The following MITF variants were observed in gnomAD, a reference collection of about 807,000 sequenced individuals.
MITF encodes the protein melanocyte inducing transcription factor, also known as microphthalmia-associated transcription factor.
In MITF, 17 loss-of-function variants were observed where a neutral mutation model predicts 60.5. That is an observed-to-expected ratio of 0.28 (90% CI 0.19 to 0.42). The LOEUF is 0.42. MITF is among the 10% of genes least tolerant of loss of function. MITF has a pLI of 1.00. For missense variants in MITF, 622 were observed against 683.5 expected (o/e 0.91, Z 1.00); for synonymous variants, 260 against 248.5 (o/e 1.05, Z -0.43).
chr3:69,794,538 C>G (rs2062796876), intron 1 of MITF, among the ~76,000 whole-genome samples: 1 of 152,134 alleles, frequency 6.6e-6, no homozygotes, highest in Non-Finnish European at 1.5e-5. Flanking sequence ...AGAACCAATT[C>G]TCATGTCCTT....
intron 1 of MITF, among the ~76,000 whole-genome samples, chr3:69,843,652 A>G (rs975538260): frequency 6.6e-6 from 1 of 152,048 alleles, no homozygotes; most frequent in African/African-American, 2.4e-5. Context: ...TTGGGTTTTT[A>G]TTTTATGTAT....
chr3:69,939,009 T>G, intron 3 of MITF, 89 bp from the exon 4 acceptor site: 1 of 1,562,666 alleles, frequency 6.4e-7, no homozygotes, highest in Non-Finnish European at 8.7e-7. Context: ...GTTCATCTTG[T>G]TGCTGTGCCA....
chr3:69,791,008 A>G (rs891467575), intron 1 of MITF, among the ~76,000 whole-genome samples: 1 of 152,210 alleles, frequency 6.6e-6, no homozygotes, highest in African/African-American at 2.4e-5. Flanking sequence ...TTTTAGAGAC[A>G]CTAATTTCTA....
At chr3:69,747,954 A>C (rs1315121720) in intron 1 of MITF, among the ~76,000 whole-genome samples, 1 of 152,224 alleles carries the variant, frequency 6.6e-6, no homozygotes, top group East Asian at 1.9e-4. Context: ...CACAAAACAT[A>C]CACGCCTACC....
intron 7 of MITF, among the ~76,000 whole-genome samples, chr3:69,952,890 G>A (rs2066291518): frequency 6.6e-6 from 1 of 152,106 alleles, no homozygotes; most frequent in African/African-American, 2.4e-5. Context: ...AAATTGCATA[G>A]TATTTTATAG....
chr3:69,870,616 G>A (rs1483763835), intron 1 of MITF, among the ~76,000 whole-genome samples: 1 of 151,706 alleles, frequency 6.6e-6, no homozygotes, highest in Non-Finnish European at 1.5e-5. Context: ...TGTATTGTTA[G>A]TAGAGACGGG....
rs2066688413 is a variant in MITF at position 69,966,275 on chromosome 3, G to T, written c.*1027G>T. On this transcript the variant is annotated 3_prime_UTR_variant, in exon 10 of 10. Coordinates refer to ENST00000352241, the MANE Select transcript of MITF (RefSeq NM_001354604.2). The stretch of plus-strand genomic sequence containing the variant: ...TTTTCCATATTTTTACAACTCACTG[G>T]TGGTTTTCCGCATTCTTTGTACACC... 4.3e-6 allele frequency: 1 copy of T among 232,700 alleles called. No individual in the cohort carries two copies. Among genetic ancestry groups the T allele is most frequent in the African/African-American group, 2.2e-5 (1 of 45,358 alleles). The allele number at this position is 232,700 out of a possible 1,614,324, so 14.4% of individuals were successfully genotyped here. A position where few individuals can be genotyped will look rare whatever the true frequency, so the allele number is the denominator to read the frequency against.
chr3:69,913,999 A>G (rs922205933), intron 2 of MITF, among the ~76,000 whole-genome samples: 8 of 152,210 alleles, frequency 5.3e-5, no homozygotes, highest in African/African-American at 1.9e-4. Context: ...AGTTGTTTTC[A>G]TGGGCTTTTC....
chr3:69,796,532 C>G (rs1338458697), intron 1 of MITF, among the ~76,000 whole-genome samples: 1 of 98,680 alleles, frequency 1.0e-5, no homozygotes, highest in Admixed American at 1.1e-4. Flanking sequence ...CGGAGTCTCG[C>G]TCTGTCGCCC....
rs2066679354 is a variant in MITF at position 69,965,896 on chromosome 3, C to G, written c.*648C>G. The G allele has an allele frequency of 4.3e-6, 1 of 230,900 alleles. No individual in the cohort carries two copies. The highest frequency in any genetic ancestry group is 2.2e-5 in the African/African-American group (1 of 45,270). The allele number at this position is 230,900 out of a possible 1,614,324, so 14.3% of individuals were successfully genotyped here. A position where few individuals can be genotyped will look rare whatever the true frequency, so the allele number is the denominator to read the frequency against. On this transcript the variant is annotated 3_prime_UTR_variant, in exon 10 of 10. Coordinates refer to ENST00000352241, the MANE Select transcript of MITF (RefSeq NM_001354604.2). ...CCAACCGAAACTGAAGGGAGTTAGA[C>G]CAAGGCTCTGAAATATAAAGTCTAA...
At chr3:69,748,650 T>C (rs1413127534) in intron 1 of MITF, among the ~76,000 whole-genome samples, 2 of 152,194 alleles carry the variant, frequency 1.3e-5, no homozygotes, top group Non-Finnish European at 2.9e-5. Flanking sequence ...ATATAAGAAA[T>C]TGTGCCTCAT....
chr3:69,809,347 A>G (rs991786712), intron 1 of MITF, among the ~76,000 whole-genome samples: 6 of 152,152 alleles, frequency 3.9e-5, no homozygotes, highest in Non-Finnish European at 5.9e-5. Flanking sequence ...TCTCTGCTCA[A>G]TTAGCCTTTT....
chr3:69,955,686 G>A (rs1391155888), intron 7 of MITF, among the ~76,000 whole-genome samples: 2 of 151,924 alleles, frequency 1.3e-5, no homozygotes, highest in South Asian at 4.2e-4. Flanking sequence ...GTGGTGGCAT[G>A]TGCCTGTAGT....
intron 1 of MITF, among the ~76,000 whole-genome samples, chr3:69,767,606 C>CA (rs904434603): frequency 9.9e-5 from 15 of 151,744 alleles, no homozygotes; most frequent in African/African-American, 3.4e-4. Flanking sequence ...AACAAAACAA[C>CA]AAAAAAACAA....
At chr3:69,954,783 C>T (rs2066354682) in intron 7 of MITF, among the ~76,000 whole-genome samples, 1 of 152,044 alleles carries the variant, frequency 6.6e-6, no homozygotes, top group Non-Finnish European at 1.5e-5. Flanking sequence ...GGTAGGACTT[C>T]GTATTATATA....
chr3:69,775,180 C>T (rs951166057), intron 1 of MITF, among the ~76,000 whole-genome samples: 23 of 152,224 alleles, frequency 1.5e-4, no homozygotes, highest in South Asian at 4.2e-4. Context: ...CTATATGCAT[C>T]CGTATGTTCA....
At chr3:69,885,071 G>A (rs1399792887) in intron 2 of MITF, among the ~76,000 whole-genome samples, 2 of 152,068 alleles carry the variant, frequency 1.3e-5, no homozygotes, top group East Asian at 1.9e-4. Context: ...CACAATCTGG[G>A]TTTTGTACAG....
intron 2 of MITF, among the ~76,000 whole-genome samples, chr3:69,903,998 G>A (rs1392943893): frequency 6.6e-6 from 1 of 152,038 alleles, no homozygotes; most frequent in Non-Finnish European, 1.5e-5. Context: ...CATCAAAAAT[G>A]GTAAGCACTC....
chr3:69,816,494 G>C (rs1287967361), intron 1 of MITF, among the ~76,000 whole-genome samples: 1 of 152,152 alleles, frequency 6.6e-6, no homozygotes, highest in Non-Finnish European at 1.5e-5. Context: ...TGATTTTCTA[G>C]TTGATTGTAG....
Sources: gnomAD v4.1 joint callset for allele counts (sites outside exome capture counted in the v4.1 genomes callset) on GRCh38, gnomAD v4.1.1 for gene constraint, MANE v1.5 for transcripts, NCBI Gene and HGNC (gene_info 2026-07-23, HGNC 2026-07-21) for gene names.